PRKN: variants seen among roughly 807,000 people sequenced by gnomAD.
The protein encoded by PRKN is parkin RBR E3 ubiquitin protein ligase.
A neutral mutation model predicts 59.5 loss-of-function variants in PRKN; 56 were observed. The observed-to-expected ratio is 0.94, with a 90% CI of 0.76 to 1.18. The LOEUF (loss-of-function observed/expected upper bound fraction) is 1.18. Ranked by LOEUF, PRKN falls within the 50% of genes most tolerant of loss-of-function variation. The pLI is 0.00. For missense variants in PRKN, 657 were observed against 596.4 expected (o/e 1.10, Z -1.06); for synonymous variants, 250 against 222.1 (o/e 1.13, Z -1.12).
chr6:162,493,209 G>A (rs1271799905), intron 1 of PRKN, among the ~76,000 whole-genome samples: 1 of 152,138 alleles, frequency 6.6e-6, no homozygotes, highest in East Asian at 1.9e-4. Flanking sequence ...TTTATGTAGA[G>A]GAAGAGAGAG....
chr6:161,966,513 C>A (rs957041459), intron 6 of PRKN, among the ~76,000 whole-genome samples: 1 of 152,046 alleles, frequency 6.6e-6, no homozygotes. Flanking sequence ...ACTTAGGCAC[C>A]CAAAAAAGTC....
intron 1 of PRKN, among the ~76,000 whole-genome samples, chr6:162,475,805 G>A (rs983977535): frequency 6.6e-6 from 1 of 152,222 alleles, no homozygotes; most frequent in African/African-American, 2.4e-5. Flanking sequence ...TCAGCTCACT[G>A]CAGTGGCGCA....
intron 6 of PRKN, among the ~76,000 whole-genome samples, chr6:161,960,904 A>C (rs940651995): frequency 6.6e-6 from 1 of 152,206 alleles, no homozygotes. Flanking sequence ...ATAGACACCA[A>C]TGCAGGAATA....
intron 6 of PRKN, among the ~76,000 whole-genome samples, chr6:161,963,991 TTTC>T (rs1323140775): frequency 6.6e-6 from 1 of 151,086 alleles, no homozygotes; most frequent in Non-Finnish European, 1.5e-5. Context: ...AGTTCAACTT[TTTC>T]TTTTCTCTGA....
chr6:162,509,985 C>T (rs1389667064), intron 1 of PRKN, among the ~76,000 whole-genome samples: 1 of 152,130 alleles, frequency 6.6e-6, no homozygotes, highest in Non-Finnish European at 1.5e-5. Context: ...GAGCTCACTT[C>T]ACATGCAACA....
intron 2 of PRKN, among the ~76,000 whole-genome samples, chr6:162,269,429 T>C (rs979442867): frequency 6.6e-6 from 1 of 152,156 alleles, no homozygotes; most frequent in Admixed American, 6.5e-5. Context: ...AATTGGGAAA[T>C]GAAAGAGCCA....
chr6:161,557,788 C>T (rs1562524972), intron 8 of PRKN, among the ~76,000 whole-genome samples: 1 of 152,256 alleles, frequency 6.6e-6, no homozygotes, highest in Non-Finnish European at 1.5e-5. Flanking sequence ...GCCAGCCATC[C>T]AGGAGCTATG....
chr6:162,353,499 G>A lies in PRKN; in HGVS notation c.171+89811C>T, dbSNP rs62430699. 8.6e-3 allele frequency among the ~76,000 whole-genome samples: 1,313 copies of A among 151,884 alleles called. 9 individuals carry two copies. The highest frequency in any genetic ancestry group is 0.013 in the Non-Finnish European group (876 of 67,954). ...GTTAAATTTTAAAAACTAAGTATAC[G>A]TATATGAATAAATTTTTAAAAAAAT... On this transcript the variant is annotated intron_variant, in intron 2 of 11. Coordinates refer to ENST00000366898, the MANE Select transcript of PRKN (RefSeq NM_004562.3).
At chr6:161,611,078 G>A (rs1470328416) in intron 7 of PRKN, among the ~76,000 whole-genome samples, 2 of 152,102 alleles carry the variant, frequency 1.3e-5, no homozygotes, top group African/African-American at 4.8e-5. Context: ...CCAAATATAG[G>A]GGCCACTGTG....
At chr6:162,537,270 C>T (rs1038249011) in intron 1 of PRKN, among the ~76,000 whole-genome samples, 1 of 152,146 alleles carries the variant, frequency 6.6e-6, no homozygotes, top group African/African-American at 2.4e-5. Flanking sequence ...TATCCAATCC[C>T]ATATTTCCCA....
At chr6:162,690,417 C>T (rs556995614) in intron 1 of PRKN, among the ~76,000 whole-genome samples, 1 of 152,310 alleles carries the variant, frequency 6.6e-6, no homozygotes, top group South Asian at 2.1e-4. Context: ...CTCGCTTCCT[C>T]TTAGTTAAGA....
chr6:161,978,349 C>T (rs1369872865), intron 5 of PRKN, among the ~76,000 whole-genome samples: 1 of 152,188 alleles, frequency 6.6e-6, no homozygotes, highest in East Asian at 1.9e-4. Flanking sequence ...TGTGCCCGGC[C>T]GATCTGGTCA....
chr6:161,437,364 G>T (rs1788969295), intron 9 of PRKN, among the ~76,000 whole-genome samples: 1 of 152,186 alleles, frequency 6.6e-6, no homozygotes, highest in Non-Finnish European at 1.5e-5. Flanking sequence ...AGGTGGGAGG[G>T]TGTGAGATTT....
chr6:161,850,414 C>A (rs1385139686), intron 6 of PRKN, among the ~76,000 whole-genome samples: 2 of 151,850 alleles, frequency 1.3e-5, no homozygotes, highest in African/African-American at 4.8e-5. Flanking sequence ...CTCATCTCTA[C>A]TAAAAATACA....
chr6:162,440,328 A>G (rs929744471), intron 2 of PRKN, among the ~76,000 whole-genome samples: 36 of 152,306 alleles, frequency 2.4e-4, no homozygotes, highest in African/African-American at 8.4e-4. Flanking sequence ...TTTGCCAGTT[A>G]AATAGACAAA....
At chr6:161,358,769 C>T (rs1233335999) in intron 11 of PRKN, among the ~76,000 whole-genome samples, 2 of 151,254 alleles carry the variant, frequency 1.3e-5, no homozygotes, top group Non-Finnish European at 2.9e-5. Context: ...TTCCTTCCAT[C>T]CCATCAGTGC....
chr6:161,739,193 A>G (rs1177348925), intron 7 of PRKN, among the ~76,000 whole-genome samples: 2 of 152,110 alleles, frequency 1.3e-5, no homozygotes, highest in African/African-American at 4.8e-5. Context: ...GGATCACTTG[A>G]GGTCAGGAGT....
At chr6:162,147,351 A>G (rs1439809956) in intron 4 of PRKN, among the ~76,000 whole-genome samples, 1 of 150,792 alleles carries the variant, frequency 6.6e-6, no homozygotes, top group African/African-American at 2.4e-5. Context: ...TCAGAAAAAA[A>G]AAAAAAAAAA....
chr6:161,403,396 T>C (rs916412713), intron 9 of PRKN, among the ~76,000 whole-genome samples: 5 of 152,196 alleles, frequency 3.3e-5, no homozygotes, highest in African/African-American at 1.2e-4. Flanking sequence ...ATCTCTGTGA[T>C]GAGAACCAAA....
Sources: allele counts gnomAD v4.1 joint callset (sites outside exome capture counted in the v4.1 genomes callset), GRCh38; gene constraint gnomAD v4.1.1; transcripts MANE v1.5; gene names NCBI Gene and HGNC (gene_info 2026-07-23, HGNC 2026-07-21).